ZHX2: variants seen among roughly 807,000 people sequenced by gnomAD.
ZHX2 encodes the protein zinc fingers and homeoboxes protein 2.
A neutral mutation model predicts 21.9 loss-of-function variants in ZHX2; 6 were observed. That is an observed-to-expected ratio of 0.27 (90% CI 0.15 to 0.54). The LOEUF (loss-of-function observed/expected upper bound fraction) is 0.54. Among genes scored for constraint, ZHX2 ranks in the 20% least tolerant of loss-of-function variants. The pLI is 0.95. For synonymous variants in ZHX2, 434 were observed against 437.1 expected, an observed-to-expected ratio of 0.99 and a Z score of 0.09; for missense variants, 908 against 1,090.7, an observed-to-expected ratio of 0.83 and a Z score of 2.36.
At chr8:122,970,399 A>AT (rs1207032464) in intron 3 of ZHX2, among the ~76,000 whole-genome samples, 1 of 152,174 alleles carries the variant, frequency 6.6e-6, no homozygotes, top group African/African-American at 2.4e-5. Flanking sequence ...CAGGGAGCGG[A>AT]TGGGGGGGTC....
chr8:122,810,789 CT>C (rs149436541), intron 1 of ZHX2, among the ~76,000 whole-genome samples: 16,821 of 146,326 alleles, frequency 0.11, 1,153 homozygotes, highest in Admixed American at 0.22. Context: ...ACTAGCATGT[CT>C]TTTTTTTTTT....
chr8:122,886,387 C>T (rs1359726186), intron 2 of ZHX2, among the ~76,000 whole-genome samples: 1 of 152,164 alleles, frequency 6.6e-6, no homozygotes, highest in Non-Finnish European at 1.5e-5. Flanking sequence ...GTGATACTGT[C>T]ATGGTAGATA....
At chr8:122,821,532 T>TAAA (rs775665251) in intron 1 of ZHX2, among the ~76,000 whole-genome samples, 2 of 136,110 alleles carry the variant, frequency 1.5e-5, no homozygotes, top group East Asian at 2.1e-4. Flanking sequence ...ATCAAACACT[T>TAAA]AAAAAAAAAA....
chr8:122,903,487 C>T (rs116183683), intron 2 of ZHX2, among the ~76,000 whole-genome samples: 2,487 of 152,234 alleles, frequency 0.016, 60 homozygotes, highest in African/African-American at 0.056. Context: ...TATTGGAGAA[C>T]GTGGGCATTG....
chr8:122,927,450 G>A (rs1457839098), intron 2 of ZHX2, among the ~76,000 whole-genome samples: 6 of 152,108 alleles, frequency 3.9e-5, no homozygotes, highest in Admixed American at 1.3e-4. Flanking sequence ...AGCTAAGATC[G>A]TGCCACTGCA....
At chr8:122,859,917 C>T (rs1468837476) in intron 1 of ZHX2, among the ~76,000 whole-genome samples, 4 of 152,184 alleles carry the variant, frequency 2.6e-5, no homozygotes, top group Non-Finnish European at 5.9e-5. Flanking sequence ...TTAATATTAA[C>T]ATGTTCAATG....
intron 2 of ZHX2, among the ~76,000 whole-genome samples, chr8:122,884,990 A>G (rs1325082449): frequency 6.6e-6 from 1 of 152,200 alleles, no homozygotes; most frequent in Non-Finnish European, 1.5e-5. Flanking sequence ...GTGCTGGGTC[A>G]GTGTAAAAAG....
At chr8:122,824,602 C>T (rs545243091) in intron 1 of ZHX2, among the ~76,000 whole-genome samples, 26 of 152,290 alleles carry the variant, frequency 1.7e-4, no homozygotes, top group African/African-American at 5.5e-4. Context: ...TTATGTTTTT[C>T]GGAGAAAGAA....
chr8:122,909,576 G>C (rs1247372320), intron 2 of ZHX2, among the ~76,000 whole-genome samples: 1 of 152,080 alleles, frequency 6.6e-6, no homozygotes, highest in Non-Finnish European at 1.5e-5. Flanking sequence ...TCGCCTTGGG[G>C]CTGGACAGAT....
At chr8:122,799,125 T>A (rs1817667967) in intron 1 of ZHX2, among the ~76,000 whole-genome samples, 1 of 152,200 alleles carries the variant, frequency 6.6e-6, no homozygotes, top group Admixed American at 6.5e-5. Context: ...TACACTTACA[T>A]GAAGGAGCGA....
intron 2 of ZHX2, among the ~76,000 whole-genome samples, chr8:122,950,624 G>A (rs1285776685): frequency 6.6e-6 from 1 of 152,054 alleles, no homozygotes; most frequent in Non-Finnish European, 1.5e-5. Flanking sequence ...CGTATCATGT[G>A]TGGTCTATCC....
intron 2 of ZHX2, among the ~76,000 whole-genome samples, chr8:122,886,494 T>C (rs933516063): frequency 2.0e-5 from 3 of 152,146 alleles, no homozygotes; most frequent in African/African-American, 7.2e-5. Context: ...AATGTATTCA[T>C]ATTGGTTCAT....
intron 1 of ZHX2, chr8:122,815,275 T>C (rs938371906): frequency 6.6e-5 from 10 of 152,266 alleles, no homozygotes; most frequent in Non-Finnish European, 1.2e-4. Context: ...TGTGATACTT[T>C]GATGGGCCCA....
intron 1 of ZHX2, among the ~76,000 whole-genome samples, chr8:122,836,345 C>T (rs1396668514): frequency 6.6e-6 from 1 of 152,190 alleles, no homozygotes; most frequent in African/African-American, 2.4e-5. Context: ...AGAGAGGCAA[C>T]TGGAGGCTGA....
chr8:122,907,569 T>C (rs1177185292), intron 2 of ZHX2, among the ~76,000 whole-genome samples: 2 of 152,094 alleles, frequency 1.3e-5, no homozygotes, highest in African/African-American at 4.8e-5. Flanking sequence ...CAAAATATTT[T>C]CCCTTCACAT....
At chr8:122,965,845 A>C (rs1315268210) in intron 3 of ZHX2, among the ~76,000 whole-genome samples, 1 of 152,150 alleles carries the variant, frequency 6.6e-6, no homozygotes, top group Non-Finnish European at 1.5e-5. Flanking sequence ...CTATGTGCAC[A>C]TACATTTAGG....
At chr8:122,838,536 T>C (rs983469900) in intron 1 of ZHX2, among the ~76,000 whole-genome samples, 1 of 151,824 alleles carries the variant, frequency 6.6e-6, no homozygotes, top group African/African-American at 2.4e-5. Context: ...TAGAAACCTT[T>C]CGATCATATA....
chr8:122,946,952 C>A (rs996181137), intron 2 of ZHX2, among the ~76,000 whole-genome samples: 6 of 151,966 alleles, frequency 3.9e-5, no homozygotes, highest in African/African-American at 4.8e-5. Context: ...CAAGAGATAG[C>A]CTCCCTACAG....
At chr8:122,817,158 G>C (rs1818052264) in intron 1 of ZHX2, among the ~76,000 whole-genome samples, 1 of 152,210 alleles carries the variant, frequency 6.6e-6, no homozygotes, top group East Asian at 1.9e-4. Context: ...TAATGTAACT[G>C]CATGCCTGGG....
Sources: allele counts gnomAD v4.1 joint callset (sites outside exome capture counted in the v4.1 genomes callset), GRCh38; gene constraint gnomAD v4.1.1; transcripts MANE v1.5; gene names NCBI Gene and HGNC (gene_info 2026-07-23, HGNC 2026-07-21).